Variants in ABCB4 observed in about 807,000 individuals in gnomAD.
ABCB4 encodes ATP binding cassette subfamily B member 4.
Under a neutral mutation model 145.7 loss-of-function variants are expected in ABCB4, and 76 were observed. That is an observed-to-expected ratio of 0.52 (90% CI 0.43 to 0.63). ABCB4 has a LOEUF of 0.63. Among genes scored for constraint, ABCB4 ranks in the 30% least tolerant of loss-of-function variants. The pLI is 0.00. For synonymous variants in ABCB4, 517 were observed against 566.8 expected (o/e 0.91, Z 1.25); for missense variants, 1,234 against 1,553.1 (o/e 0.79, Z 3.45).
chr7:87,370,288 T>C, the ABCB4 span, among the ~76,000 whole-genome samples: 1 of 152,136 alleles, frequency 6.6e-6, no homozygotes, highest in Non-Finnish European at 1.5e-5. Flanking sequence ...GTTCAAGTGA[T>C]TCTTCTGCCT....
chr7:87,435,166 T>C (rs1325670789), intron 14 of ABCB4, among the ~76,000 whole-genome samples: 1 of 152,244 alleles, frequency 6.6e-6, no homozygotes, highest in East Asian at 1.9e-4. Flanking sequence ...AGTGACTGGC[T>C]AACTGATTGA....
chr7:87,376,955 G>A, the ABCB4 span, among the ~76,000 whole-genome samples: 1 of 152,006 alleles, frequency 6.6e-6, no homozygotes, highest in East Asian at 1.9e-4. Context: ...TTGAAAAACA[G>A]GTTTAGTAGG....
chr7:87,382,672 G>C, the ABCB4 span: 1 of 859,826 alleles, frequency 1.2e-6, no homozygotes, highest in South Asian at 1.9e-5. Context: ...TGTCCTATTT[G>C]TACTTCCATC....
chr7:87,408,868 C>G (rs1808404580), intron 24 of ABCB4, among the ~76,000 whole-genome samples: 1 of 152,042 alleles, frequency 6.6e-6, no homozygotes, highest in Non-Finnish European at 1.5e-5. Flanking sequence ...AACGAACTGC[C>G]CTTCTTACCA....
intron 21 of ABCB4, among the ~76,000 whole-genome samples, chr7:87,415,598 G>T (rs1193516874): frequency 6.6e-6 from 1 of 152,066 alleles, no homozygotes; most frequent in Non-Finnish European, 1.5e-5. Context: ...AGAATAACAG[G>T]GTTTTAGCTG....
chr7:87,414,816 A>G (rs1428499869), intron 21 of ABCB4, among the ~76,000 whole-genome samples: 1 of 152,188 alleles, frequency 6.6e-6, no homozygotes, highest in Admixed American at 6.5e-5. Flanking sequence ...AAAATTACTG[A>G]GCTTTTACTA....
chr7:87,434,398 ATT>A (rs561447549), intron 14 of ABCB4, among the ~76,000 whole-genome samples: 1 of 152,154 alleles, frequency 6.6e-6, no homozygotes, highest in Non-Finnish European at 1.5e-5. Flanking sequence ...CATTTTATTT[ATT>A]TTGACAAATA....
At position 87,440,473 on chromosome 7, in the gene ABCB4, A is replaced by G. The variant is rs912910507; in HGVS notation, c.1357-71T>C. The G allele has an allele frequency of 1.6e-5, 21 of 1,294,282 alleles. No homozygotes were observed. In the African/African-American group the frequency reaches 2.7e-4, roughly 16 times the overall value. 80.2% of individuals were successfully genotyped at this position (1,294,282 alleles called of 1,614,324 possible). A position where few individuals can be genotyped will look rare whatever the true frequency, so the allele number is the denominator to read the frequency against. On this transcript the variant is annotated intron_variant, in intron 12 of 27. Transcript: ENST00000649586. ...GCTGAAGTATCAGGACCATTCATGA[A>G]AAACATCCTACCTAATATTTAACTT... is the stretch of plus-strand genomic sequence containing the variant.
In ABCB4 at chr7:87,420,002, C is replaced by T; in HGVS notation, c.2390G>A (p.Arg797Lys). Residue 797 changes from arginine (R) to lysine (K), a missense_variant, in exon 19 of 28, where the codon AGA becomes AAA. Around this residue, in one of 7 missense-constraint regions of ABCB4, gnomAD observed 321 missense variants for 332.6 expected, o/e 0.97. Coordinates refer to ENST00000649586, the MANE Select transcript of ABCB4 (RefSeq NM_000443.4). The part of the protein sequence containing the change: ...LRSMAFKAML[R>K]QDMSWFDDHK... ...TTCTCCAGCGCACACTCCTACCTGT[C>T]TTAGCATTGCTTTAAAAGCCATTGA... The T allele has an allele frequency of 6.2e-7, 1 of 1,614,028 alleles. No homozygotes were observed. Among genetic ancestry groups the T allele is most frequent in the Middle Eastern group, 1.6e-4 (1 of 6,062 alleles).
intron 15 of ABCB4, among the ~76,000 whole-genome samples, chr7:87,430,954 G>A (rs1262887886): frequency 6.6e-6 from 1 of 152,126 alleles, no homozygotes; most frequent in African/African-American, 2.4e-5. Flanking sequence ...TAGAGATCCT[G>A]GCTGGTCAAA....
intron 8 of ABCB4, among the ~76,000 whole-genome samples, chr7:87,448,284 A>T (rs1287798684): frequency 6.6e-6 from 1 of 152,010 alleles, no homozygotes; most frequent in Non-Finnish European, 1.5e-5. Flanking sequence ...TTTGTGACAA[A>T]AAAAAACAAA....
Position 87,401,973 on chromosome 7 carries a change from A to G in ABCB4, c.*123T>C. On this transcript the variant is annotated 3_prime_UTR_variant, in exon 28 of 28. Transcript: ENST00000649586. ...ATAAACCCCAAATTGGGTCTTCTAA[A>G]TTGATCTAGAATGAGACAGACATAC... 1 of 1,370,992 alleles carries G rather than the reference A, an allele frequency of 7.3e-7. No individual in the cohort carries two copies. Among genetic ancestry groups the G allele is most frequent in the South Asian group, 1.2e-5 (1 of 80,304 alleles). The allele number at this position is 1,370,992 out of a possible 1,614,324, so 84.9% of individuals were successfully genotyped here. A position where few individuals can be genotyped will look rare whatever the true frequency, so the allele number is the denominator to read the frequency against.
chr7:87,413,086 A>T (rs560192804), intron 22 of ABCB4, among the ~76,000 whole-genome samples: 3 of 152,342 alleles, frequency 2.0e-5, no homozygotes, highest in African/African-American at 7.2e-5. Flanking sequence ...ATCAGGCTGC[A>T]GTGGAAATGA....
chr7:87,450,116 C>A (rs764875198), intron 7 of ABCB4, 24 bp from the exon 8 acceptor site: 13 of 1,613,324 alleles, frequency 8.1e-6, no homozygotes, highest in South Asian at 3.3e-5. Flanking sequence ...AAACAGTGAT[C>A]ACTTTTGTAT....
At chr7:87,443,975 T>A (rs1811170810) in intron 10 of ABCB4, among the ~76,000 whole-genome samples, 1 of 152,228 alleles carries the variant, frequency 6.6e-6, no homozygotes, top group African/African-American at 2.4e-5. Context: ...AGTGTTTTCC[T>A]GAAAAGTACG....
chr7:87,401,989 A>T lies in ABCB4; in HGVS notation c.*107T>A. The stretch of plus-strand genomic sequence containing the variant: ...GTCTTCTAAATTGATCTAGAATGAG[A>T]CAGACATACCTATGTTTTATGATGA... On this transcript the variant is annotated 3_prime_UTR_variant, in exon 28 of 28. Transcript: ENST00000649586. 6.9e-7 allele frequency: 1 copy of T among 1,445,470 alleles called. No homozygotes were observed. Among genetic ancestry groups the T allele is most frequent in the Non-Finnish European group, 9.5e-7 (1 of 1,050,148 alleles). 89.5% of individuals were successfully genotyped at this position (1,445,470 alleles called of 1,614,324 possible). A position where few individuals can be genotyped will look rare whatever the true frequency, so the allele number is the denominator to read the frequency against.
At chr7:87,459,297 C>G (rs952514341) in intron 4 of ABCB4, among the ~76,000 whole-genome samples, 1 of 152,108 alleles carries the variant, frequency 6.6e-6, no homozygotes, top group African/African-American at 2.4e-5. Flanking sequence ...AACAACAGCT[C>G]CCCACTGCTC....
downstream of ABCB4, among the ~76,000 whole-genome samples, chr7:87,400,317 T>C (rs184479388): frequency 6.6e-6 from 1 of 152,338 alleles, no homozygotes. Context: ...GACATTTTAA[T>C]ATATGTAAAG....
At chr7:87,393,069 T>G in the ABCB4 span, 3 of 1,611,484 alleles carry the variant, frequency 1.9e-6, no homozygotes, top group Admixed American at 3.4e-5. Context: ...AGATGACAGG[T>G]GAGGCTTCTC....
Sources: allele counts gnomAD v4.1 joint callset (sites outside exome capture counted in the v4.1 genomes callset), GRCh38; gene constraint gnomAD v4.1.1; regional missense constraint gnomAD v4.1.1; transcripts MANE v1.5; gene names NCBI Gene and HGNC (gene_info 2026-07-23, HGNC 2026-07-21).